The following XKR4 variants were observed in gnomAD, a reference collection of about 807,000 sequenced individuals.
The protein encoded by XKR4 is XK-related protein 4.
XKR4 carries 12 observed loss-of-function variants against 53.9 expected under a neutral mutation model. The ratio of observed to expected loss-of-function variants is 0.22; its 90% CI spans 0.14 to 0.36. The LOEUF is 0.36. Among genes scored for constraint, XKR4 ranks in the 10% least tolerant of loss-of-function variants. The probability of loss-of-function intolerance (pLI) is 1.00; values close to 1 mark genes in which losing one functional copy is unlikely to be tolerated. For synonymous variants in XKR4, 354 were observed against 362.4 expected (o/e 0.98, Z 0.26); for missense variants, 799 against 859.5 (o/e 0.93, Z 0.88).
intron 2 of XKR4, among the ~76,000 whole-genome samples, chr8:55,507,535 T>A (rs1049700414): frequency 6.6e-6 from 1 of 152,184 alleles, no homozygotes; most frequent in Admixed American, 6.5e-5. Context: ...CAATGTGTGA[T>A]GCTCCCCTTC....
At chr8:55,492,662 C>T (rs1806287817) in intron 2 of XKR4, among the ~76,000 whole-genome samples, 2 of 152,238 alleles carry the variant, frequency 1.3e-5, no homozygotes, top group South Asian at 2.1e-4. Context: ...CTTCTGTCTA[C>T]TCACAGCAGT....
At chr8:55,128,022 A>G (rs1402164122) in intron 1 of XKR4, among the ~76,000 whole-genome samples, 2 of 152,094 alleles carry the variant, frequency 1.3e-5, no homozygotes, top group Admixed American at 1.3e-4. Flanking sequence ...GCTATTGTGA[A>G]TAGTCTCGCA....
rs571746251 is a variant in XKR4, at chr8:55,523,154, A to G, written c.1007-127A>G. On this transcript the variant is annotated intron_variant, in intron 2 of 2. Coordinates refer to ENST00000327381, the MANE Select transcript of XKR4 (RefSeq NM_052898.2). ...GAGACTCTGTCTCAAAAAAAAAAAA[A>G]AAAAGAAATTAAGAGTCTTTGCTGA... 2,113 of 859,434 alleles carry G rather than the reference A, an allele frequency of 2.5e-3. 5 individuals carry two copies. The highest frequency in any genetic ancestry group is 2.9e-3 in the Non-Finnish European group (1,685 of 574,160). 53.2% of individuals were successfully genotyped at this position (859,434 alleles called of 1,614,324 possible).
At position 55,394,229 on chromosome 8, in the gene XKR4, G is replaced by T. The variant is rs2658904; in HGVS notation, c.1006+36352G>T. Among the ~76,000 whole-genome samples the T allele has an allele frequency of 2.5e-3, 386 of 151,976 alleles. 9 individuals carry two copies. In the South Asian group the frequency reaches 0.031, roughly 12 times the overall value. On this transcript the variant is annotated intron_variant, in intron 2 of 2. Transcript: ENST00000327381. ...AGTCTCTCTTGGATATTAGTTATGC[G>T]CTATCGATATAAGAATGAAGATTGG...
chr8:55,369,622 A>G (rs1293119089), intron 2 of XKR4, among the ~76,000 whole-genome samples: 1 of 152,070 alleles, frequency 6.6e-6, no homozygotes, highest in African/African-American at 2.4e-5. Flanking sequence ...AGAAATAATT[A>G]AGAATTATAT....
At chr8:55,322,348 G>A (rs1386676725) in intron 1 of XKR4, among the ~76,000 whole-genome samples, 2 of 152,098 alleles carry the variant, frequency 1.3e-5, no homozygotes, top group Non-Finnish European at 2.9e-5. Context: ...GTATTTGAAT[G>A]TGTCATCATT....
rs1381864519 is a variant in XKR4, at chr8:55,102,893, C to G, written c.405C>G (p.Asp135Glu). The G allele has an allele frequency of 1.2e-6, 2 of 1,612,206 alleles. No homozygotes were observed. The highest frequency in any genetic ancestry group is 8.5e-7 in the Non-Finnish European group (1 of 1,179,924). Reference sequence around the variant, plus strand: ...GCACAGACGTCTGGCTCGCCGTGGACTACTACCTGCGCGGCCAGCGCTGGT... The same window carrying G: ...GCACAGACGTCTGGCTCGCCGTGGAGTACTACCTGCGCGGCCAGCGCTGGT... ...DVGTDVWLAV[D>E]YYLRGQRWWF... Residue 135 changes from aspartate to glutamate, a missense_variant, in exon 1 of 3, where the codon GAC becomes GAG. Asp to Glu is a conservative substitution (Grantham distance 45). Around this residue, in one of 3 missense-constraint regions of XKR4, gnomAD observed 476 missense variants for 505.4 expected, o/e 0.94. Transcript: ENST00000327381. This position sits in a 1 kb window ranked among gnomAD's most constrained non-coding sequence, Gnocchi z 5.1.
chr8:55,286,550 C>T (rs1318024520), intron 1 of XKR4, among the ~76,000 whole-genome samples: 1 of 152,146 alleles, frequency 6.6e-6, no homozygotes, highest in Non-Finnish European at 1.5e-5. Context: ...CACAGTGAGG[C>T]AGCAGTGAGC....
intron 2 of XKR4, among the ~76,000 whole-genome samples, chr8:55,457,273 G>A (rs1321760806): frequency 6.6e-6 from 1 of 151,520 alleles, no homozygotes; most frequent in Non-Finnish European, 1.5e-5. Context: ...CTCCTGAATA[G>A]CTGGGACTAC....
intron 2 of XKR4, among the ~76,000 whole-genome samples, chr8:55,441,335 T>A (rs1262577779): frequency 6.6e-6 from 1 of 151,998 alleles, no homozygotes; most frequent in Admixed American, 6.6e-5. Context: ...ATATAACAGT[T>A]CTAAACTTAC....
intron 2 of XKR4, among the ~76,000 whole-genome samples, chr8:55,386,732 G>A (rs113557199): frequency 0.017 from 2,640 of 152,282 alleles, 31 homozygotes; most frequent in Middle Eastern, 0.037. Flanking sequence ...TGGGAAGTGG[G>A]AGTACAGGCC....
intron 2 of XKR4, among the ~76,000 whole-genome samples, chr8:55,480,199 C>T (rs1259224859): frequency 1.3e-5 from 2 of 152,288 alleles, no homozygotes; most frequent in Middle Eastern, 6.8e-3. Flanking sequence ...AAAGCTTATC[C>T]ACCACAATCA....
intron 2 of XKR4, among the ~76,000 whole-genome samples, chr8:55,522,321 A>G (rs915817806): frequency 3.3e-5 from 5 of 152,230 alleles, no homozygotes; most frequent in African/African-American, 4.8e-5. Context: ...TCTTTAATCT[A>G]TGAAGAGCTA....
At chr8:55,478,249 C>A (rs1213754892) in intron 2 of XKR4, among the ~76,000 whole-genome samples, 1 of 152,098 alleles carries the variant, frequency 6.6e-6, no homozygotes, top group Non-Finnish European at 1.5e-5. Context: ...CAATATTCAA[C>A]ATTCTTAAAA....
intron 2 of XKR4, among the ~76,000 whole-genome samples, chr8:55,424,950 G>T (rs1280018627): frequency 3.9e-5 from 6 of 152,122 alleles, no homozygotes; most frequent in Non-Finnish European, 8.8e-5. Context: ...TAAAAAAATG[G>T]CATACTTTAC....
Position 55,541,085 on chromosome 8 carries a change from TTAAGTAAA to T in XKR4, c.*16864_*16871del, listed in dbSNP as rs1242503078. 6.6e-6 allele frequency: 1 copy of T among 152,240 alleles called. No individual in the cohort carries two copies. Among genetic ancestry groups the T allele is most frequent in the Non-Finnish European group, 1.5e-5 (1 of 68,030 alleles). 9.4% of individuals were successfully genotyped at this position (152,240 alleles called of 1,614,324 possible). On this transcript the variant is annotated 3_prime_UTR_variant, in exon 3 of 3. Transcript: ENST00000327381. ...ATTTGTTCTTAATTCTCCAGTTATTTTAAGTAAATAAGTTTCACATCTAACTACCTCAG... is the reference window on the plus strand; with the variant it reads ...ATTTGTTCTTAATTCTCCAGTTATTTTAAGTTTCACATCTAACTACCTCAG...
chr8:55,380,119 G>C (rs2622552), intron 2 of XKR4, among the ~76,000 whole-genome samples: 80,756 of 152,068 alleles, frequency 0.53, 21,998 homozygotes, highest in Middle Eastern at 0.6. Flanking sequence ...CTGTCTGAAT[G>C]CTCCATTGGT....
chr8:55,518,678 C>G (rs901213794), intron 2 of XKR4, among the ~76,000 whole-genome samples: 8 of 152,166 alleles, frequency 5.3e-5, no homozygotes, highest in Admixed American at 1.3e-4. Context: ...GTCAGACACA[C>G]AGTTCTGGGG....
intron 1 of XKR4, among the ~76,000 whole-genome samples, chr8:55,306,169 G>A (rs1819296350): frequency 6.6e-6 from 1 of 152,202 alleles, no homozygotes; most frequent in African/African-American, 2.4e-5. Context: ...AGCTGTGCAT[G>A]TGGGCCGATA....
Sources: gnomAD v4.1 joint callset for allele counts (sites outside exome capture counted in the v4.1 genomes callset) on GRCh38, gnomAD v4.1.1 for gene constraint, gnomAD v4.1.1 regional missense constraint, Gnocchi (gnomAD v3.1) non-coding constraint, MANE v1.5 for transcripts, NCBI Gene and HGNC (gene_info 2026-07-23, HGNC 2026-07-21) for gene names.